The following SORCS2 variants were observed in gnomAD, a reference collection of about 807,000 sequenced individuals.
SORCS2 encodes sortilin related VPS10 domain containing receptor 2, also known as VPS10 domain-containing receptor SorCS2.
A neutral mutation model predicts 141.6 loss-of-function variants in SORCS2; 100 were observed. The observed-to-expected ratio is 0.71, with a 90% CI of 0.60 to 0.83. The LOEUF (loss-of-function observed/expected upper bound fraction) is 0.83. Ranked by LOEUF, SORCS2 falls within the 40% of genes least tolerant of loss-of-function variation. The probability of loss-of-function intolerance (pLI) is 0.00; values close to 1 mark genes in which losing one functional copy is unlikely to be tolerated. For missense variants in SORCS2, 1,646 were observed against 1,560.2 expected, an observed-to-expected ratio of 1.05 and a Z score of -0.93; for synonymous variants, 789 against 676.9, an observed-to-expected ratio of 1.17 and a Z score of -2.57.
intron 1 of SORCS2, among the ~76,000 whole-genome samples, chr4:7,217,895 G>A (rs12152669): frequency 6.6e-6 from 1 of 152,180 alleles, no homozygotes; most frequent in Admixed American, 6.5e-5. Flanking sequence ...GGCGAGGGTC[G>A]AGAGTCCAGG....
At chr4:7,430,899 G>A in intron 2 of SORCS2, 1 of 152,384 alleles carries the variant, frequency 6.6e-6, no homozygotes, top group Non-Finnish European at 1.5e-5. Context: ...TGGTGGTGCT[G>A]CCGTCAGCAC....
At chr4:7,309,095 G>T (rs1385454333) in intron 1 of SORCS2, among the ~76,000 whole-genome samples, 3 of 152,198 alleles carry the variant, frequency 2.0e-5, no homozygotes, top group Non-Finnish European at 4.4e-5. Flanking sequence ...AGGCGGGCTG[G>T]GAGCCCCTTG....
chr4:7,327,007 T>C (rs7665496), intron 1 of SORCS2, among the ~76,000 whole-genome samples: 15,599 of 152,254 alleles, frequency 0.1, 837 homozygotes, highest in East Asian at 0.16. Flanking sequence ...TGCCCACAGC[T>C]GCTTGGCAAG....
At chr4:7,468,530 C>T (rs1729759776) in intron 2 of SORCS2, among the ~76,000 whole-genome samples, 1 of 152,218 alleles carries the variant, frequency 6.6e-6, no homozygotes, top group African/African-American at 2.4e-5. Context: ...CAAGAAGCCT[C>T]ATGGTTCTGG....
chr4:7,610,428 C>G (rs1718331578), intron 3 of SORCS2, among the ~76,000 whole-genome samples: 2 of 152,188 alleles, frequency 1.3e-5, no homozygotes, highest in African/African-American at 4.8e-5. Context: ...CTGTGCATAC[C>G]TCCACTGTCA....
intron 1 of SORCS2, among the ~76,000 whole-genome samples, chr4:7,294,491 C>G (rs892285695): frequency 3.3e-5 from 5 of 151,746 alleles, no homozygotes; most frequent in African/African-American, 1.2e-4. Flanking sequence ...TGCAGAGCAC[C>G]TGCCCCAGGG....
chr4:7,496,427 G>GCCCCCCCCC (rs1166086025), intron 2 of SORCS2, among the ~76,000 whole-genome samples: 1 of 35,738 alleles, frequency 2.8e-5, no homozygotes, highest in African/African-American at 6.7e-5. Context: ...AGCTACTGGA[G>GCCCCCCCCC]CCCCCCCCCC....
At chr4:7,404,314 A>G (rs923607499) in intron 2 of SORCS2, among the ~76,000 whole-genome samples, 14 of 152,094 alleles carry the variant, frequency 9.2e-5, no homozygotes, top group Non-Finnish European at 1.6e-4. Flanking sequence ...ATATGAGTGC[A>G]GGTGTCTTTT....
At chr4:7,591,920 T>C (rs1211147782) in intron 3 of SORCS2, among the ~76,000 whole-genome samples, 1 of 152,130 alleles carries the variant, frequency 6.6e-6, no homozygotes, top group Admixed American at 6.5e-5. Flanking sequence ...CCATGGGATA[T>C]TGGGGACCTC....
At chr4:7,662,777 G>T (rs1205053707) in intron 6 of SORCS2, among the ~76,000 whole-genome samples, 1 of 152,182 alleles carries the variant, frequency 6.6e-6, no homozygotes, top group Non-Finnish European at 1.5e-5. Flanking sequence ...GCTCCTGCAT[G>T]GCCATGTGGG....
intron 1 of SORCS2, among the ~76,000 whole-genome samples, chr4:7,240,293 AC>A (rs1486756711): frequency 2.0e-5 from 3 of 152,122 alleles, no homozygotes; most frequent in Non-Finnish European, 2.9e-5. Flanking sequence ...GAAGCTGAGA[AC>A]CCTGCTGAGC....
At position 7,543,783 on chromosome 4, in the gene SORCS2, CT is replaced by C. The variant is rs1560373268; in HGVS notation, c.648+12155del. ...ACCCACCCATCCGTCCATCCATCCA[CT>C]CATCCATCCATCCATCCATCCATCC... On this transcript the variant is annotated intron_variant, in intron 3 of 26. Transcript: ENST00000507866. Among the ~76,000 whole-genome samples the C allele has an allele frequency of 1.8e-3, 35 of 19,330 alleles. 1 individual carries two copies. Among genetic ancestry groups the C allele is most frequent in the African/African-American group, 4.0e-3 (28 of 7,088 alleles). 12.7% of individuals were successfully genotyped at this position (19,330 alleles called of 152,430 possible).
intron 4 of SORCS2, among the ~76,000 whole-genome samples, chr4:7,653,339 G>T (rs1233818441): frequency 6.6e-6 from 1 of 152,170 alleles, no homozygotes; most frequent in Admixed American, 6.5e-5. Flanking sequence ...CGCCTCCTGG[G>T]TTCAAGTGAT....
At chr4:7,561,120 A>G (rs1714508653) in intron 3 of SORCS2, among the ~76,000 whole-genome samples, 1 of 152,160 alleles carries the variant, frequency 6.6e-6, no homozygotes, top group African/African-American at 2.4e-5. Flanking sequence ...GCTGGGTGTC[A>G]TTCATCCCTG....
intron 2 of SORCS2, among the ~76,000 whole-genome samples, chr4:7,525,666 C>T (rs1407332844): frequency 1.3e-5 from 2 of 152,098 alleles, no homozygotes; most frequent in African/African-American, 2.4e-5. Context: ...CCTCCTCAGT[C>T]ACCTGTCCCC....
intron 1 of SORCS2, among the ~76,000 whole-genome samples, chr4:7,206,235 C>T (rs1727732097): frequency 6.6e-6 from 1 of 152,142 alleles, no homozygotes; most frequent in South Asian, 2.1e-4. Flanking sequence ...CTCCTCCAGC[C>T]CACTAAGGGT....
At chr4:7,537,409 G>A (rs935336887) in intron 3 of SORCS2, among the ~76,000 whole-genome samples, 2 of 152,216 alleles carry the variant, frequency 1.3e-5, no homozygotes, top group African/African-American at 4.8e-5. Context: ...TTCGTGGTGA[G>A]AGGGCAGCTT....
At chr4:7,690,318 G>A (rs1359786525) in intron 11 of SORCS2, among the ~76,000 whole-genome samples, 1 of 136,090 alleles carries the variant, frequency 7.3e-6, no homozygotes, top group African/African-American at 2.7e-5. Context: ...ATGGGTGGTG[G>A]ATAGGTGGAC....
At chr4:7,465,232 T>C (rs1363127104) in intron 2 of SORCS2, among the ~76,000 whole-genome samples, 4 of 152,252 alleles carry the variant, frequency 2.6e-5, no homozygotes, top group Non-Finnish European at 5.9e-5. Context: ...CTCCTGCATT[T>C]AGCCCTCAGG....
Sources: gnomAD v4.1 joint callset for allele counts (sites outside exome capture counted in the v4.1 genomes callset) on GRCh38, gnomAD v4.1.1 for gene constraint, MANE v1.5 for transcripts, NCBI Gene and HGNC (gene_info 2026-07-23, HGNC 2026-07-21) for gene names.